The following DENND1A variants were observed in gnomAD, a reference collection of about 807,000 sequenced individuals.
The protein encoded by DENND1A is DENN domain containing 1A.
DENND1A carries 51 observed loss-of-function variants against 113.7 expected under a neutral mutation model. The ratio of observed to expected loss-of-function variants is 0.45; its 90% confidence interval spans 0.36 to 0.57. DENND1A has a LOEUF of 0.57. Among genes scored for constraint, DENND1A ranks in the 20% least tolerant of loss-of-function variants. DENND1A has a pLI of 0.00. For missense variants in DENND1A, 1,258 were observed against 1,395.9 expected (o/e 0.90, Z 1.57); for synonymous variants, 565 against 570.8 (o/e 0.99, Z 0.14).
chr9:123,496,802 C>T (rs1320814800), intron 13 of DENND1A, among the ~76,000 whole-genome samples: 1 of 152,254 alleles, frequency 6.6e-6, no homozygotes, highest in Non-Finnish European at 1.5e-5. Context: ...AGGGGGAAAA[C>T]CGCAGCCTGT....
chr9:123,564,952 G>A (rs1297619491), intron 12 of DENND1A, among the ~76,000 whole-genome samples: 1 of 145,522 alleles, frequency 6.9e-6, no homozygotes, highest in Non-Finnish European at 1.5e-5. Context: ...GATGCATTCT[G>A]CAAGAATCCA....
intron 2 of DENND1A, among the ~76,000 whole-genome samples, chr9:123,821,126 G>C (rs1290314858): frequency 6.6e-6 from 1 of 152,160 alleles, no homozygotes; most frequent in African/African-American, 2.4e-5. Flanking sequence ...CATGAATATT[G>C]TTCCAGGTAA....
chr9:123,538,992 C>T (rs1008497425), intron 13 of DENND1A, among the ~76,000 whole-genome samples: 13 of 151,014 alleles, frequency 8.6e-5, no homozygotes, highest in Admixed American at 5.9e-4. Flanking sequence ...CTTGTATGAA[C>T]GCTAACACTG....
At chr9:123,544,779 C>G (rs1474577062) in intron 13 of DENND1A, among the ~76,000 whole-genome samples, 2 of 152,178 alleles carry the variant, frequency 1.3e-5, no homozygotes. Flanking sequence ...TGTTTTATAG[C>G]TTCCAAACAA....
At position 123,381,848 on chromosome 9, in the gene DENND1A, G is replaced by A; in HGVS notation, c.2797C>T (p.Leu933=). The part of the protein sequence containing the change: ...LGPAFASGLL[L]SSAGFCAPHR... Reference sequence around the variant, plus strand: ...GGGGCACAGAAGCCAGCACTGGACAGCAGGAGGCCGGACGCAAAAGCCGGC... The same window carrying A: ...GGGGCACAGAAGCCAGCACTGGACAACAGGAGGCCGGACGCAAAAGCCGGC... Residue 933 remains leucine (L), a synonymous_variant, in exon 24 of 24, where the codon CTG becomes TTG. Transcript: ENST00000394215. The surrounding 1 kb of genome is among the most constrained non-coding windows in gnomAD (Gnocchi z 4.7). 6.8e-7 allele frequency: 1 copy of A among 1,481,102 alleles called. No individual in the cohort carries two copies. 91.7% of individuals were successfully genotyped at this position (1,481,102 alleles called of 1,614,324 possible).
chr9:123,413,403 G>A (rs2044468275), intron 19 of DENND1A: 1 of 985,040 alleles, frequency 1.0e-6, no homozygotes, highest in Non-Finnish European at 1.2e-6. Context: ...CTCCCATTAT[G>A]TTTTTCTTGG....
intron 10 of DENND1A, among the ~76,000 whole-genome samples, chr9:123,618,473 G>A (rs1391313431): frequency 6.6e-6 from 1 of 152,210 alleles, no homozygotes; most frequent in Non-Finnish European, 1.5e-5. Flanking sequence ...CAGGAGTCGG[G>A]GCCAGCAACG....
At chr9:123,421,808 G>A (rs1301735462) in intron 19 of DENND1A, among the ~76,000 whole-genome samples, 1 of 152,184 alleles carries the variant, frequency 6.6e-6, no homozygotes, top group African/African-American at 2.4e-5. Flanking sequence ...GCCTCCAACT[G>A]CTTTCCCTGC....
At chr9:123,700,189 C>CTAAA (rs1449555720) in intron 5 of DENND1A, among the ~76,000 whole-genome samples, 2 of 152,154 alleles carry the variant, frequency 1.3e-5, no homozygotes, top group Non-Finnish European at 2.9e-5. Context: ...TGTCCTCCAA[C>CTAAA]TTTATTCTTC....
chr9:123,393,508 G>A (rs2042958451), intron 21 of DENND1A, among the ~76,000 whole-genome samples: 1 of 151,554 alleles, frequency 6.6e-6, no homozygotes, highest in Non-Finnish European at 1.5e-5. Context: ...GCCAGCCTGG[G>A]CAACACAGCT....
chr9:123,760,957 G>A (rs971678429), intron 4 of DENND1A, among the ~76,000 whole-genome samples: 2 of 152,178 alleles, frequency 1.3e-5, no homozygotes, highest in African/African-American at 4.8e-5. Flanking sequence ...CTCAGGTTTT[G>A]ATTTCACTTC....
chr9:123,859,018 T>C (rs1189616820), intron 2 of DENND1A, among the ~76,000 whole-genome samples: 1 of 152,090 alleles, frequency 6.6e-6, no homozygotes, highest in Non-Finnish European at 1.5e-5. Flanking sequence ...AAGGCAAACA[T>C]AGCCCTAAGG....
At chr9:123,635,705 TA>T (rs1589445741) in intron 9 of DENND1A, among the ~76,000 whole-genome samples, 2 of 152,380 alleles carry the variant, frequency 1.3e-5, no homozygotes, top group Admixed American at 6.5e-5. Flanking sequence ...GTAGTGTCTT[TA>T]ACCCACAGGA....
chr9:123,737,398 G>A (rs1289384412), intron 5 of DENND1A, among the ~76,000 whole-genome samples: 1 of 152,032 alleles, frequency 6.6e-6, no homozygotes, highest in Non-Finnish European at 1.5e-5. Context: ...ATGTTGCTCA[G>A]GCTGTTCTCG....
rs1381585508 is a variant in DENND1A at position 123,448,926 on chromosome 9, G to A, written c.1356+1767C>T. 2.0e-5 allele frequency among the ~76,000 whole-genome samples: 3 copies of A among 152,152 alleles called. No homozygotes were observed. In the East Asian group the frequency reaches 5.8e-4, roughly 29 times the overall value. ...TTAAAAACTGCAGAGCTAGACAAAG[G>A]GCCTTATTAGAGTGGTACGTTTGGG... is the stretch of plus-strand genomic sequence containing the variant. On this transcript the variant is annotated intron_variant, in intron 18 of 23. Coordinates refer to ENST00000394215, the MANE Select transcript of DENND1A (RefSeq NM_001352964.2).
intron 3 of DENND1A, among the ~76,000 whole-genome samples, chr9:123,783,150 C>T (rs571691963): frequency 6.6e-6 from 1 of 152,294 alleles, no homozygotes; most frequent in African/African-American, 2.4e-5. Flanking sequence ...GATTTCACAA[C>T]TGGAATAAAA....
intron 1 of DENND1A, among the ~76,000 whole-genome samples, chr9:123,917,964 A>T (rs187609854): frequency 0.056 from 8,370 of 149,280 alleles, 340 homozygotes; most frequent in Admixed American, 0.091. Flanking sequence ...CAAAAAAAAA[A>T]TTAGCCGGGC....
chr9:123,627,538 G>A (rs939582138), intron 10 of DENND1A, among the ~76,000 whole-genome samples: 1 of 152,116 alleles, frequency 6.6e-6, no homozygotes, highest in African/African-American at 2.4e-5. Context: ...TCAGGAGATC[G>A]AGACCATCCT....
Position 123,810,832 on chromosome 9 carries a change from C to T in DENND1A, c.89-18202G>A, listed in dbSNP as rs568274844. ...GGAGTGCAGTGGTGCAATCTTGGCT[C>T]ACTGCAACCTCTGCCTCCCGGGTTC... On this transcript the variant is annotated intron_variant, in intron 2 of 23. Transcript: ENST00000394215. 8.0e-5 allele frequency among the ~76,000 whole-genome samples: 12 copies of T among 150,668 alleles called. No homozygotes were observed. The South Asian group carries it at 2.5e-3, about 32-fold the overall frequency.
Sources: allele counts gnomAD v4.1 joint callset (sites outside exome capture counted in the v4.1 genomes callset), GRCh38; gene constraint gnomAD v4.1.1; non-coding constraint Gnocchi (gnomAD v3.1); transcripts MANE v1.5; gene names NCBI Gene and HGNC (gene_info 2026-07-23, HGNC 2026-07-21).